The following DNAJB6 variants were observed in gnomAD, a reference collection of about 807,000 sequenced individuals.
The protein encoded by DNAJB6 is dnaJ homolog subfamily B member 6.
DNAJB6 carries 16 observed loss-of-function variants against 42.7 expected under a neutral mutation model. That is an observed-to-expected ratio of 0.37 (90% CI 0.25 to 0.57). The LOEUF (loss-of-function observed/expected upper bound fraction) is 0.57. Among genes scored for constraint, DNAJB6 ranks in the 20% least tolerant of loss-of-function variants. The pLI is 0.74. For missense variants in DNAJB6, 347 were observed against 416.8 expected, an observed-to-expected ratio of 0.83 and a Z score of 1.46; for synonymous variants, 170 against 163.5, an observed-to-expected ratio of 1.04 and a Z score of -0.30.
chr7:157,350,154 G>C (rs1193354639), intron 1 of DNAJB6, among the ~76,000 whole-genome samples: 1 of 152,110 alleles, frequency 6.6e-6, no homozygotes, highest in Non-Finnish European at 1.5e-5. Context: ...AGAGCTGTGG[G>C]TCTTGTTATC....
At chr7:157,361,020 C>G (rs1259000033) in intron 2 of DNAJB6, among the ~76,000 whole-genome samples, 1 of 152,112 alleles carries the variant, frequency 6.6e-6, no homozygotes, top group Non-Finnish European at 1.5e-5. Context: ...CATTCTCATC[C>G]ATTGCCAAGT....
intron 8 of DNAJB6, among the ~76,000 whole-genome samples, chr7:157,403,885 T>C (rs1423258950): frequency 6.6e-6 from 1 of 152,050 alleles, no homozygotes; most frequent in Non-Finnish European, 1.5e-5. Flanking sequence ...GGTGCCTTCC[T>C]GTCCACCCTG....
intron 2 of DNAJB6, among the ~76,000 whole-genome samples, chr7:157,360,626 T>C (rs1163905387): frequency 6.6e-6 from 1 of 152,244 alleles, no homozygotes; most frequent in African/African-American, 2.4e-5. Context: ...CAGTGAGATT[T>C]CCTGCACTCC....
chr7:157,350,046 C>G (rs1175178191), intron 1 of DNAJB6, among the ~76,000 whole-genome samples: 1 of 152,288 alleles, frequency 6.6e-6, no homozygotes, highest in East Asian at 1.9e-4. Flanking sequence ...TTCTCTGTCC[C>G]CAGAACACTG....
Position 157,416,403 on chromosome 7 carries a change from C to G in DNAJB6, c.*305C>G. On this transcript the variant is annotated 3_prime_UTR_variant, in exon 10 of 10. Transcript: ENST00000262177. ...CATTCTTTTCGGCTACTCAACCACT[C>G]CGCATGCTGCTGGAATATTTCTGGC... is the stretch of plus-strand genomic sequence containing the variant. The G allele has an allele frequency of 2.8e-6, 1 of 354,970 alleles. No individual in the cohort carries two copies. Among genetic ancestry groups the G allele is most frequent in the Non-Finnish European group, 5.3e-6 (1 of 190,010 alleles). 22.0% of individuals were successfully genotyped at this position (354,970 alleles called of 1,614,324 possible). A position where few individuals can be genotyped will look rare whatever the true frequency, so the allele number is the denominator to read the frequency against.
At chr7:157,381,476 A>G (rs1800765569) in intron 5 of DNAJB6, 1 of 152,208 alleles carries the variant, frequency 6.6e-6, no homozygotes, top group South Asian at 2.1e-4. Context: ...TGATAACAGC[A>G]ACAGAGGAAA....
rs766041616 is a variant in DNAJB6 at position 157,385,527 on chromosome 7, T to G, written c.621-14T>G. The G allele has an allele frequency of 6.2e-7, 1 of 1,608,994 alleles. No individual in the cohort carries two copies. Among genetic ancestry groups the G allele is most frequent in the Non-Finnish European group, 8.5e-7 (1 of 1,178,420 alleles). ...TTTACCAGAAAGGTTTTTAAATGAA[T>G]TTTTTTCCTACAGAATTGTCGAGAA... On this transcript the variant is annotated splice_polypyrimidine_tract_variant and intron_variant, in intron 7 of 9. Transcript: ENST00000262177.
intron 1 of DNAJB6, among the ~76,000 whole-genome samples, chr7:157,345,515 C>T (rs920117759): frequency 1.3e-5 from 2 of 152,038 alleles, no homozygotes; most frequent in Admixed American, 1.3e-4. Flanking sequence ...TGGTGTCTTA[C>T]TGTGTTGCCC....
At chr7:157,362,145 C>G (rs1220975167) in intron 2 of DNAJB6, among the ~76,000 whole-genome samples, 1 of 151,964 alleles carries the variant, frequency 6.6e-6, no homozygotes, top group Non-Finnish European at 1.5e-5. Context: ...GTCATAGAAT[C>G]TTTGTAGAAG....
At chr7:157,369,690 G>T (rs962900298) in intron 5 of DNAJB6, among the ~76,000 whole-genome samples, 14 of 148,522 alleles carry the variant, frequency 9.4e-5, no homozygotes, top group African/African-American at 3.3e-4. Flanking sequence ...TATTAAACAG[G>T]CCTTTCATAA....
intron 6 of DNAJB6, 33 bp from the exon 7 acceptor site, chr7:157,384,831 TTTC>T (rs1800972629): frequency 6.3e-7 from 1 of 1,599,228 alleles, no homozygotes; most frequent in Admixed American, 1.7e-5. Context: ...AGTTGACATA[TTTC>T]TTTAAGCATT....
intron 5 of DNAJB6, among the ~76,000 whole-genome samples, chr7:157,374,957 A>G (rs921656476): frequency 7.2e-5 from 11 of 152,348 alleles, no homozygotes; most frequent in South Asian, 2.1e-4. Context: ...TTTTCGCATC[A>G]TCTGTTTCCA....
chr7:157,353,589 GTGTGTGTGT>G (rs1799115820), intron 1 of DNAJB6, among the ~76,000 whole-genome samples: 1 of 108,868 alleles, frequency 9.2e-6, no homozygotes, highest in Non-Finnish European at 1.9e-5. Flanking sequence ...TGACCGGGGT[GTGTGTGTGT>G]GTGTGTGTGT....
Position 157,368,941 on chromosome 7 carries a change from T to G in DNAJB6, c.346+1458T>G, listed in dbSNP as rs1799976460. Reference sequence around the variant, plus strand: ...GAAGAAGCATAATCACTCTCATATCTGGTAGGTCTTGGGCCTTTTGCATGG... The same window carrying G: ...GAAGAAGCATAATCACTCTCATATCGGGTAGGTCTTGGGCCTTTTGCATGG... On this transcript the variant is annotated intron_variant, in intron 5 of 9. Transcript: ENST00000262177. The G allele has an allele frequency of 1.6e-5, 4 of 245,728 alleles. No individual in the cohort carries two copies. In the South Asian group the frequency reaches 1.7e-4, roughly 10 times the overall value. 15.2% of individuals were successfully genotyped at this position (245,728 alleles called of 1,614,324 possible).
intron 1 of DNAJB6, among the ~76,000 whole-genome samples, chr7:157,339,418 C>T (rs1053980048): frequency 2.0e-5 from 3 of 151,512 alleles, no homozygotes; most frequent in African/African-American, 7.3e-5. Flanking sequence ...CTGCCTCAGC[C>T]TCCCGAGTAG....
At chr7:157,369,421 C>T (rs749224279) in intron 5 of DNAJB6, 19 of 456,472 alleles carry the variant, frequency 4.2e-5, no homozygotes, top group African/African-American at 1.8e-4. Flanking sequence ...GGTGACCAAG[C>T]GAGGAAGAAG....
intron 8 of DNAJB6, among the ~76,000 whole-genome samples, chr7:157,403,781 A>G (rs1795630981): frequency 6.6e-6 from 1 of 152,230 alleles, no homozygotes; most frequent in Non-Finnish European, 1.5e-5. Context: ...TAGCAACCAA[A>G]GAGAGCGGTT....
At chr7:157,392,099 C>CAAAAAAAAA (rs57861175) in intron 8 of DNAJB6, among the ~76,000 whole-genome samples, 137 of 112,220 alleles carry the variant, frequency 1.2e-3, no homozygotes, top group Non-Finnish European at 2.2e-3. Context: ...GACCCTGTCT[C>CAAAAAAAAA]AAAAAAAAAA....
Position 157,409,925 on chromosome 7 carries a change from CTG to C in DNAJB6, c.824_825del (p.Cys275SerfsTer3). The C allele has an allele frequency of 6.5e-7, 1 of 1,536,284 alleles. No individual in the cohort carries two copies. The highest frequency in any genetic ancestry group is 2.4e-5 in the East Asian group (1 of 40,906). On this transcript the variant is annotated frameshift_variant, in exon 9 of 10. Coordinates refer to ENST00000262177, the MANE Select transcript of DNAJB6 (RefSeq NM_058246.4). LOFTEE classifies it high-confidence loss of function. ...PASLLRHAPH[C>X]LSEEEGEQDR... ...CCTCGCTGCTGAGACACGCGCCTCA[CTG>C]TCTCTCTGAGGAGGAGGGCGAGCAG...
Sources: allele counts gnomAD v4.1 joint callset (sites outside exome capture counted in the v4.1 genomes callset), GRCh38; gene constraint gnomAD v4.1.1; transcripts MANE v1.5; gene names NCBI Gene and HGNC (gene_info 2026-07-23, HGNC 2026-07-21).